Variants in ESR1 observed in about 807,000 individuals in gnomAD.
ESR1 encodes estrogen receptor.
In ESR1, 12 loss-of-function variants were observed where a neutral mutation model predicts 52.7. The ratio of observed to expected loss-of-function variants is 0.23; its 90% confidence interval spans 0.15 to 0.37. The LOEUF (loss-of-function observed/expected upper bound fraction) is 0.37. Among genes scored for constraint, ESR1 ranks in the 10% least tolerant of loss-of-function variants. The pLI, the probability that ESR1 is intolerant of heterozygous loss-of-function variation, is 1.00. For missense variants in ESR1, 584 were observed against 779.7 expected, an observed-to-expected ratio of 0.75 and a Z score of 2.99; for synonymous variants, 305 against 316.8, an observed-to-expected ratio of 0.96 and a Z score of 0.39.
rs141818316 is a variant in ESR1 at position 151,705,517 on chromosome 6, T to C, written c.-71+3512T>C. Among the ~76,000 whole-genome samples the C allele has an allele frequency of 3.2e-4, 48 of 152,274 alleles. No homozygotes were observed. In the East Asian group the frequency reaches 8.1e-3, roughly 26 times the overall value. ...GCAGAGAGAAGGATAAGCCAAAAAA[T>C]TGGTAAATCACACATGAATAATCAA... On this transcript the variant is annotated intron_variant, in intron 2 of 2. Transcript: ENST00000404742.
intron 4 of ESR1, among the ~76,000 whole-genome samples, chr6:151,992,469 T>C (rs2041117160): frequency 6.6e-6 from 1 of 152,232 alleles, no homozygotes; most frequent in South Asian, 2.1e-4. Context: ...TTTTATGTTT[T>C]CTTATGCGTT....
At chr6:152,095,870 A>G (rs142516537) in intron 7 of ESR1, among the ~76,000 whole-genome samples, 3 of 152,344 alleles carry the variant, frequency 2.0e-5, no homozygotes, top group South Asian at 4.1e-4. Context: ...ATCACCTAGC[A>G]TGATGTAGAG....
chr6:151,681,722 G>A (rs1355796684), intron 1 of ESR1, among the ~76,000 whole-genome samples: 3 of 152,154 alleles, frequency 2.0e-5, no homozygotes, highest in Non-Finnish European at 4.4e-5. Context: ...CCTCCAGGCC[G>A]CCGCTTCCAA....
At chr6:151,867,579 C>A (rs1583811292) in intron 2 of ESR1, among the ~76,000 whole-genome samples, 1 of 152,120 alleles carries the variant, frequency 6.6e-6, no homozygotes, top group East Asian at 1.9e-4. Flanking sequence ...AAGAGAAATG[C>A]AAATCAAAAC....
chr6:151,822,432 C>T (rs1016941068), intron 1 of ESR1, among the ~76,000 whole-genome samples: 3 of 152,160 alleles, frequency 2.0e-5, no homozygotes, highest in Non-Finnish European at 4.4e-5. Flanking sequence ...AGCTCACTCC[C>T]CTCGTGATAC....
chr6:151,982,959 C>G (rs2040135180), intron 4 of ESR1, among the ~76,000 whole-genome samples: 1 of 152,078 alleles, frequency 6.6e-6, no homozygotes, highest in African/African-American at 2.4e-5. Flanking sequence ...AGTAAATTCA[C>G]ATAACCAAGT....
At chr6:152,044,620 G>A (rs533628920) in intron 5 of ESR1, among the ~76,000 whole-genome samples, 12 of 152,204 alleles carry the variant, frequency 7.9e-5, no homozygotes, top group Non-Finnish European at 1.8e-4. Context: ...CAAACCACTG[G>A]TGTAGGTCTA....
At chr6:151,804,792 A>G (rs994577685), upstream of ESR1, 38 of 152,330 alleles carry the variant, frequency 2.5e-4, no homozygotes, top group African/African-American at 8.4e-4. Context: ...TCTGGCAACA[A>G]AGCCTCCATT....
intron 4 of ESR1, among the ~76,000 whole-genome samples, chr6:151,991,638 G>T (rs918505510): frequency 2.0e-5 from 3 of 152,180 alleles, no homozygotes; most frequent in East Asian, 3.9e-4. Flanking sequence ...TGGGGAAGAT[G>T]ATTCAGACTT....
chr6:151,878,733 A>T (rs78909436), intron 2 of ESR1, among the ~76,000 whole-genome samples: 1 of 152,230 alleles, frequency 6.6e-6, no homozygotes, highest in Non-Finnish European at 1.5e-5. Flanking sequence ...AATAGTATAC[A>T]TAACTTCCTT....
At chr6:151,914,694 T>C (rs1174518573) in intron 3 of ESR1, among the ~76,000 whole-genome samples, 1 of 152,194 alleles carries the variant, frequency 6.6e-6, no homozygotes, top group African/African-American at 2.4e-5. Flanking sequence ...GGTTGAGTCA[T>C]TGTTACCTCC....
chr6:152,085,711 A>T (rs1349823256), intron 6 of ESR1, among the ~76,000 whole-genome samples: 2 of 152,178 alleles, frequency 1.3e-5, no homozygotes, highest in East Asian at 3.9e-4. Flanking sequence ...GACAAAAAAA[A>T]AAAGTTTCAT....
chr6:151,943,490 C>T (rs935146873), intron 3 of ESR1, among the ~76,000 whole-genome samples: 2 of 150,782 alleles, frequency 1.3e-5, no homozygotes, highest in African/African-American at 4.9e-5. Context: ...TAGGAAAAAA[C>T]AAATACATTT....
chr6:151,880,035 A>G lies in ESR1; in HGVS notation c.644-620A>G, dbSNP rs2128330073. Among the ~76,000 whole-genome samples, 3 of 152,298 alleles carry G rather than the reference A, an allele frequency of 2.0e-5. No individual in the cohort carries two copies. In the South Asian group the frequency reaches 6.2e-4, roughly 32 times the overall value. On this transcript the variant is annotated intron_variant, in intron 2 of 7. Coordinates refer to ENST00000206249, the MANE Select transcript of ESR1 (RefSeq NM_000125.4). ...ACCAAACCAAACCAAACCAAAACCA[A>G]AAAACCTTATCTGCTGAGAAAATAT...
At chr6:151,957,146 G>A (rs1009264804) in intron 4 of ESR1, among the ~76,000 whole-genome samples, 1 of 151,962 alleles carries the variant, frequency 6.6e-6, no homozygotes, top group African/African-American at 2.4e-5. Context: ...CAAAGTGCTG[G>A]GATTACAGGT....
At chr6:152,067,339 A>G (rs2048039292) in intron 6 of ESR1, among the ~76,000 whole-genome samples, 1 of 152,164 alleles carries the variant, frequency 6.6e-6, no homozygotes, top group Non-Finnish European at 1.5e-5. Flanking sequence ...GCAGGTGTCG[A>G]AAGACGGGAA....
intron 6 of ESR1, among the ~76,000 whole-genome samples, chr6:152,071,482 T>G (rs2048346447): frequency 6.6e-6 from 1 of 152,184 alleles, no homozygotes; most frequent in Admixed American, 6.5e-5. Context: ...GCTTAAACCC[T>G]TTGTGCTTCT....
Position 151,878,200 on chromosome 6 carries a change from A to G in ESR1, c.644-2455A>G, listed in dbSNP as rs1416511628. Among the ~76,000 whole-genome samples the G allele has an allele frequency of 4.6e-5, 7 of 152,354 alleles. No individual in the cohort carries two copies. The East Asian group carries it at 9.6e-4, about 21-fold the overall frequency. On this transcript the variant is annotated intron_variant, in intron 2 of 7. Transcript: ENST00000206249. ...GAGACTAAACACTGAAAGTTTCTTT[A>G]GGGTATCAGAAGAATACACTTTTTG... is the stretch of plus-strand genomic sequence containing the variant.
At chr6:151,703,006 C>A (rs563746569) in intron 2 of ESR1, among the ~76,000 whole-genome samples, 82 of 152,290 alleles carry the variant, frequency 5.4e-4, no homozygotes, top group African/African-American at 1.7e-3. Context: ...AAAAATATAA[C>A]CTGCCCAAAT....
Sources: allele counts gnomAD v4.1 joint callset (sites outside exome capture counted in the v4.1 genomes callset), GRCh38; gene constraint gnomAD v4.1.1; transcripts MANE v1.5; gene names NCBI Gene and HGNC (gene_info 2026-07-23, HGNC 2026-07-21).